Variants in CNTN5 observed in about 807,000 individuals in gnomAD.
CNTN5 encodes the protein contactin 5.
CNTN5 carries 77 observed loss-of-function variants against 129.1 expected under a neutral mutation model. The observed-to-expected ratio is 0.60, with a 90% CI of 0.50 to 0.72. The LOEUF is 0.72. Among genes scored for constraint, CNTN5 ranks in the 30% least tolerant of loss-of-function variants. The pLI is 0.00. For synonymous variants in CNTN5, 509 were observed against 465.6 expected (o/e 1.09, Z -1.20); for missense variants, 1,478 against 1,328.8 (o/e 1.11, Z -1.75).
rs778613360 is a variant in CNTN5 at position 100,350,835 on chromosome 11, C to A, written c.3164C>A (p.Thr1055Lys). 6.3e-7 allele frequency: 1 copy of A among 1,594,172 alleles called. No individual in the cohort carries two copies. The stretch of plus-strand genomic sequence containing the variant: ...GCATATAGTGAAGGAGGAGATGGAA[C>A]AGCTAGTTCTCAAATTAGGGTACCA... ...VRAYSEGGDGTASSQIRVPSY... is the reference protein window; with the variant it reads ...VRAYSEGGDGKASSQIRVPSY... Residue 1055 changes from threonine to lysine, a missense_variant, in exon 24 of 25, where the codon ACA becomes AAA. By Grantham distance (78) the Thr-to-Lys change is moderately conservative (BLOSUM62 -1). Transcript: ENST00000524871.
At chr11:99,415,056 TAAA>T (rs989848873) in intron 2 of CNTN5, among the ~76,000 whole-genome samples, 3 of 286 alleles carry the variant, frequency 0.01, no homozygotes, top group Non-Finnish European at 0.018. Flanking sequence ...CAAGGCATGC[TAAA>T]ACACACTCTT....
At chr11:100,120,129 AGATGTGTT>A (rs1484490991) in intron 13 of CNTN5, among the ~76,000 whole-genome samples, 1 of 151,892 alleles carries the variant, frequency 6.6e-6, no homozygotes, top group Non-Finnish European at 1.5e-5. Flanking sequence ...TTTAGTCCCC[AGATGTGTT>A]GTTTTTCACT....
At chr11:99,083,421 A>G (rs1005213406) in intron 1 of CNTN5, among the ~76,000 whole-genome samples, 1 of 152,154 alleles carries the variant, frequency 6.6e-6, no homozygotes, top group Non-Finnish European at 1.5e-5. Context: ...TACACCTACC[A>G]TTAAGCTCAT....
rs547925656 is a variant in CNTN5, at chr11:100,222,695, C to G, written c.1885-1997C>G. On this transcript the variant is annotated intron_variant, in intron 15 of 24. Transcript: ENST00000524871. Reference sequence around the variant, plus strand: ...ACAAAACAACATCAACAACAAAAGGCACTATCTTTCAGACAGTGCTATTTC... The same window carrying G: ...ACAAAACAACATCAACAACAAAAGGGACTATCTTTCAGACAGTGCTATTTC... Among the ~76,000 whole-genome samples the G allele has an allele frequency of 1.5e-3, 234 of 151,820 alleles. 2 individuals carry two copies. The highest frequency in any genetic ancestry group is 5.1e-3 in the Admixed American group (77 of 15,226).
chr11:99,374,909 C>T (rs73547276), intron 2 of CNTN5, among the ~76,000 whole-genome samples: 4,842 of 152,186 alleles, frequency 0.032, 255 homozygotes, highest in African/African-American at 0.11. Flanking sequence ...GGCCATGGAA[C>T]ATCCACGATA....
intron 18 of CNTN5, among the ~76,000 whole-genome samples, chr11:100,283,855 A>G (rs1223079735): frequency 6.6e-6 from 1 of 152,152 alleles, no homozygotes; most frequent in Non-Finnish European, 1.5e-5. Context: ...CTGAGGCACA[A>G]GAATCACTTG....
intron 13 of CNTN5, among the ~76,000 whole-genome samples, chr11:100,182,025 A>G (rs566705482): frequency 6.6e-6 from 1 of 152,208 alleles, no homozygotes; most frequent in African/African-American, 2.4e-5. Context: ...AGGAAGAGTA[A>G]AGTAAAAGGA....
intron 15 of CNTN5, among the ~76,000 whole-genome samples, chr11:100,206,350 T>A (rs1948912136): frequency 6.6e-6 from 1 of 152,132 alleles, no homozygotes; most frequent in South Asian, 2.1e-4. Flanking sequence ...AAACTTCATT[T>A]AATATATTAC....
At chr11:99,649,987 C>T (rs186378352) in intron 3 of CNTN5, among the ~76,000 whole-genome samples, 1 of 151,876 alleles carries the variant, frequency 6.6e-6, no homozygotes, top group African/African-American at 2.4e-5. Flanking sequence ...TCCTCTCTCA[C>T]ATCAATAAGA....
At chr11:99,160,123 G>A (rs1410377726) in intron 1 of CNTN5, among the ~76,000 whole-genome samples, 1 of 152,170 alleles carries the variant, frequency 6.6e-6, no homozygotes, top group African/African-American at 2.4e-5. Flanking sequence ...TTATTCTGAC[G>A]TTGAGACTAA....
At chr11:99,797,644 A>G (rs1166334285) in intron 3 of CNTN5, among the ~76,000 whole-genome samples, 1 of 152,066 alleles carries the variant, frequency 6.6e-6, no homozygotes, top group Non-Finnish European at 1.5e-5. Flanking sequence ...TTGCTTGTTA[A>G]TCTGTTTTAA....
chr11:99,182,976 G>GAT (rs1254029231), intron 1 of CNTN5, among the ~76,000 whole-genome samples: 1 of 152,208 alleles, frequency 6.6e-6, no homozygotes, highest in African/African-American at 2.4e-5. Flanking sequence ...TAGATTATGT[G>GAT]ATATATATAA....
chr11:99,614,885 G>A (rs1331475102), intron 3 of CNTN5, among the ~76,000 whole-genome samples: 1 of 151,750 alleles, frequency 6.6e-6, no homozygotes, highest in African/African-American at 2.4e-5. Context: ...TAATCCTTAC[G>A]ATGAACTTTC....
In CNTN5 at chr11:99,472,756, C is replaced by G. The variant is rs191506002; in HGVS notation, c.-70-83389C>G. ...TGATCTCAGCCCACTGCAACCTCTA[C>G]CTCCTGAGTTCAAGCGATTCTTATT... On this transcript the variant is annotated intron_variant, in intron 2 of 24. Transcript: ENST00000524871. 4.1e-4 allele frequency among the ~76,000 whole-genome samples: 63 copies of G among 152,192 alleles called. 1 individual carries two copies. In the South Asian group the frequency reaches 0.011, roughly 27 times the overall value.
intron 2 of CNTN5, among the ~76,000 whole-genome samples, chr11:99,405,026 C>A (rs1383245851): frequency 6.6e-6 from 1 of 151,962 alleles, no homozygotes; most frequent in Admixed American, 6.6e-5. Flanking sequence ...TCCTTTAGAA[C>A]TTTAAATATG....
At chr11:99,707,809 G>C (rs894493393) in intron 3 of CNTN5, among the ~76,000 whole-genome samples, 16 of 151,606 alleles carry the variant, frequency 1.1e-4, no homozygotes, top group African/African-American at 3.9e-4. Flanking sequence ...AATCATACCT[G>C]AAATATGCTC....
intron 17 of CNTN5, among the ~76,000 whole-genome samples, chr11:100,260,554 C>T (rs1276650853): frequency 1.3e-5 from 2 of 152,172 alleles, no homozygotes; most frequent in Non-Finnish European, 2.9e-5. Context: ...CAATAAAATA[C>T]TGGCAATTCA....
rs150445409 is a variant in CNTN5, at chr11:99,904,817, T to G, written c.578-11237T>G. Reference sequence around the variant, plus strand: ...CTGTAGCACCTGTTGTTTCCTGACCTTTTAGTGATTGCCATTCTAAATGGC... The same window carrying G: ...CTGTAGCACCTGTTGTTTCCTGACCGTTTAGTGATTGCCATTCTAAATGGC... On this transcript the variant is annotated intron_variant, in intron 6 of 24. Transcript: ENST00000524871. 3.1e-3 allele frequency among the ~76,000 whole-genome samples: 478 copies of G among 152,276 alleles called. 5 individuals carry two copies. The highest frequency in any genetic ancestry group is 0.011 in the African/African-American group (466 of 41,554).
At chr11:99,491,394 C>T (rs986689165) in intron 2 of CNTN5, among the ~76,000 whole-genome samples, 2 of 151,942 alleles carry the variant, frequency 1.3e-5, no homozygotes, top group East Asian at 1.9e-4. Context: ...TGATTATATT[C>T]GGAGGTTAAT....
Sources: gnomAD v4.1 joint callset for allele counts (sites outside exome capture counted in the v4.1 genomes callset) on GRCh38, gnomAD v4.1.1 for gene constraint, MANE v1.5 for transcripts, NCBI Gene and HGNC (gene_info 2026-07-23, HGNC 2026-07-21) for gene names.